The following TMEM132B variants were observed in gnomAD, a reference collection of about 807,000 sequenced individuals.
TMEM132B encodes transmembrane protein 132B.
TMEM132B carries 18 observed loss-of-function variants against 90.8 expected under a neutral mutation model. That is an observed-to-expected ratio of 0.20 (90% CI 0.14 to 0.29). The LOEUF is 0.29. Among genes scored for constraint, TMEM132B ranks in the 10% least tolerant of loss-of-function variants. TMEM132B has a pLI of 1.00. For synonymous variants in TMEM132B, 504 were observed against 523.3 expected, an observed-to-expected ratio of 0.96 and a Z score of 0.50; for missense variants, 1,096 against 1,326.8, an observed-to-expected ratio of 0.83 and a Z score of 2.70.
At chr12:125,648,397 G>T (rs1397483081) in intron 6 of TMEM132B, among the ~76,000 whole-genome samples, 2 of 152,108 alleles carry the variant, frequency 1.3e-5, no homozygotes, top group Non-Finnish European at 2.9e-5. Context: ...GGTATCATTA[G>T]ACTGTAATAA....
intron 1 of TMEM132B, among the ~76,000 whole-genome samples, chr12:125,280,206 A>C (rs778414001): frequency 1.3e-5 from 2 of 152,220 alleles, no homozygotes; most frequent in Non-Finnish European, 2.9e-5. Context: ...TTTAGTCTAA[A>C]GAAGTTAAAT....
intron 1 of TMEM132B, among the ~76,000 whole-genome samples, chr12:125,300,144 G>A (rs1223527196): frequency 6.6e-6 from 1 of 151,820 alleles, no homozygotes; most frequent in Admixed American, 6.6e-5. Flanking sequence ...CCCACCTAAA[G>A]GAACCCCTCT....
chr12:125,239,867 G>A (rs1253667619), intron 1 of TMEM132B, among the ~76,000 whole-genome samples: 6 of 152,344 alleles, frequency 3.9e-5, no homozygotes, highest in Middle Eastern at 3.4e-3. Flanking sequence ...GTGGGATGCC[G>A]CAGGCATTGG....
At chr12:125,624,792 T>C (rs1886191468) in intron 5 of TMEM132B, among the ~76,000 whole-genome samples, 2 of 152,154 alleles carry the variant, frequency 1.3e-5, no homozygotes, top group African/African-American at 4.8e-5. Context: ...TTTTCCAGAG[T>C]TACTTAGGTC....
At chr12:125,291,708 G>C (rs1488072665) in intron 1 of TMEM132B, among the ~76,000 whole-genome samples, 1 of 152,140 alleles carries the variant, frequency 6.6e-6, no homozygotes, top group African/African-American at 2.4e-5. Context: ...AGAGAACCCA[G>C]ACATGATGTG....
At chr12:125,258,528 T>C (rs1433151888) in intron 1 of TMEM132B, among the ~76,000 whole-genome samples, 1 of 152,190 alleles carries the variant, frequency 6.6e-6, no homozygotes, top group Non-Finnish European at 1.5e-5. Flanking sequence ...TTACAACATG[T>C]TGGCCTCCAG....
intron 3 of TMEM132B, among the ~76,000 whole-genome samples, chr12:125,429,444 G>C (rs1880432612): frequency 6.6e-6 from 1 of 152,012 alleles, no homozygotes; most frequent in Non-Finnish European, 1.5e-5. Context: ...GACCTCAGGT[G>C]ATCCGCCTGC....
intron 3 of TMEM132B, among the ~76,000 whole-genome samples, chr12:125,434,833 G>GGT (rs34892308): frequency 0.2 from 30,387 of 152,088 alleles, 3,698 homozygotes; most frequent in African/African-American, 0.35. Flanking sequence ...CCCCTGAAGT[G>GGT]GTGTGTTTCT....
intron 1 of TMEM132B, among the ~76,000 whole-genome samples, chr12:125,313,836 T>C (rs1311559997): frequency 6.7e-6 from 1 of 150,308 alleles, no homozygotes; most frequent in African/African-American, 2.5e-5. Context: ...TTGAAATTCT[T>C]AATACTTTTT....
intron 2 of TMEM132B, among the ~76,000 whole-genome samples, chr12:125,375,120 T>G (rs1441293471): frequency 1.3e-5 from 2 of 152,208 alleles, no homozygotes; most frequent in Non-Finnish European, 2.9e-5. Flanking sequence ...TAGCACACAA[T>G]GTACTATAAT....
Position 125,525,684 on chromosome 12 carries a change from T to C in TMEM132B, c.1293+6059T>C, listed in dbSNP as rs986864439. On this transcript the variant is annotated intron_variant, in intron 4 of 8. Coordinates refer to ENST00000682704, the MANE Select transcript of TMEM132B (RefSeq NM_001366854.1). ...AAGAAGAAGGACCTGTGGTATACTC[T>C]GCAGGTGGGGTGGTGGCCAGTGGTG... is the stretch of plus-strand genomic sequence containing the variant. Among the ~76,000 whole-genome samples, 3 of 152,210 alleles carry C rather than the reference T, an allele frequency of 2.0e-5. No homozygotes were observed. In the East Asian group the frequency reaches 5.8e-4, roughly 29 times the overall value.
At chr12:125,339,746 T>C (rs906960982) in intron 1 of TMEM132B, among the ~76,000 whole-genome samples, 1 of 152,094 alleles carries the variant, frequency 6.6e-6, no homozygotes, top group African/African-American at 2.4e-5. Flanking sequence ...GAGAACGCAG[T>C]GCAAGAAGAC....
intron 1 of TMEM132B, among the ~76,000 whole-genome samples, chr12:125,291,522 A>G (rs1199624402): frequency 6.6e-6 from 1 of 152,198 alleles, no homozygotes; most frequent in Non-Finnish European, 1.5e-5. Context: ...GCTGGTGTCT[A>G]AGAGCTGAGA....
At position 125,490,407 on chromosome 12, in the gene TMEM132B, G is replaced by A. The variant is rs186052285; in HGVS notation, c.1107-29032G>A. On this transcript the variant is annotated intron_variant, in intron 3 of 8. Transcript: ENST00000682704. This position sits in a 1 kb window ranked among gnomAD's most constrained non-coding sequence, Gnocchi z 4.2. ...GGCCTGTGGTAGTATTCAAACATAT[G>A]TACAAGTTCTTTGGATACTCCCCTT... Among the ~76,000 whole-genome samples the A allele has an allele frequency of 6.6e-5, 10 of 152,152 alleles. No individual in the cohort carries two copies. In the East Asian group the frequency reaches 1.9e-3, roughly 29 times the overall value.
At chr12:125,450,403 C>A (rs545980344) in intron 3 of TMEM132B, among the ~76,000 whole-genome samples, 2 of 152,114 alleles carry the variant, frequency 1.3e-5, no homozygotes, top group South Asian at 2.1e-4. Flanking sequence ...AATTTGAGCA[C>A]CAAAATAGGC....
intron 4 of TMEM132B, among the ~76,000 whole-genome samples, chr12:125,564,616 C>G (rs1321707842): frequency 6.6e-6 from 1 of 152,170 alleles, no homozygotes; most frequent in East Asian, 1.9e-4. Flanking sequence ...GATTGAAGGG[C>G]TTAAGGAACT....
intron 5 of TMEM132B, among the ~76,000 whole-genome samples, chr12:125,607,550 G>A (rs552033607): frequency 2.0e-5 from 3 of 152,248 alleles, no homozygotes; most frequent in African/African-American, 7.2e-5. Flanking sequence ...TTCATGTGGG[G>A]ACTCAAAGCA....
intron 1 of TMEM132B, among the ~76,000 whole-genome samples, chr12:125,334,065 G>A (rs945577466): frequency 2.0e-5 from 3 of 152,008 alleles, no homozygotes; most frequent in Non-Finnish European, 4.4e-5. Flanking sequence ...TCCTTCTGGG[G>A]CCCCTCTTTC....
chr12:125,553,842 G>A (rs137931992), intron 4 of TMEM132B, among the ~76,000 whole-genome samples: 37 of 152,252 alleles, frequency 2.4e-4, no homozygotes, highest in African/African-American at 8.4e-4. Flanking sequence ...ATTTAATACA[G>A]TTGCTTTGTT....
Sources: gnomAD v4.1 joint callset for allele counts (sites outside exome capture counted in the v4.1 genomes callset) on GRCh38, gnomAD v4.1.1 for gene constraint, Gnocchi (gnomAD v3.1) non-coding constraint, MANE v1.5 for transcripts, NCBI Gene and HGNC (gene_info 2026-07-23, HGNC 2026-07-21) for gene names.